Variants in NBEA observed in about 807,000 individuals in gnomAD.
NBEA encodes lysosomal-trafficking regulator 2.
NBEA carries 44 observed loss-of-function variants against 343.4 expected under a neutral mutation model. The ratio of observed to expected loss-of-function variants is 0.13; its 90% confidence interval spans 0.10 to 0.16. The LOEUF is 0.16. Among genes scored for constraint, NBEA ranks in the 10% least tolerant of loss-of-function variants. The pLI is 1.00. For synonymous variants in NBEA, 1,175 were observed against 1,238.7 expected (o/e 0.95, Z 1.08); for missense variants, 2,555 against 3,631.3 (o/e 0.70, Z 7.62).
intron 32 of NBEA, among the ~76,000 whole-genome samples, chr13:35,209,329 A>G (rs975964610): frequency 2.0e-5 from 3 of 152,180 alleles, no homozygotes; most frequent in African/African-American, 7.2e-5. Flanking sequence ...ACGATATGCA[A>G]GCGCCTCAAC....
At chr13:35,181,281 C>A (rs1447281764) in intron 28 of NBEA, among the ~76,000 whole-genome samples, 3 of 151,790 alleles carry the variant, frequency 2.0e-5, no homozygotes, top group Non-Finnish European at 1.5e-5. Context: ...GTTTTCATTC[C>A]CACCAGCAGT....
intron 48 of NBEA, 79 bp from the exon 49 acceptor site, chr13:35,628,002 C>T: frequency 9.2e-7 from 1 of 1,088,194 alleles, no homozygotes; most frequent in Non-Finnish European, 1.3e-6. Context: ...ATATATATTT[C>T]AAAGTAAAAA....
At chr13:35,071,287 A>T (rs2063859825) in intron 10 of NBEA, among the ~76,000 whole-genome samples, 1 of 152,042 alleles carries the variant, frequency 6.6e-6, no homozygotes, top group Admixed American at 6.6e-5. Context: ...GTATTATTTT[A>T]TAATGCTTTT....
At chr13:35,459,153 A>G (rs2152951290) in intron 40 of NBEA, among the ~76,000 whole-genome samples, 1 of 152,230 alleles carries the variant, frequency 6.6e-6, no homozygotes, top group East Asian at 1.9e-4. Flanking sequence ...CATCTCCTTC[A>G]TGACCCACTT....
chr13:35,138,286 C>T (rs1307229633), intron 17 of NBEA, among the ~76,000 whole-genome samples: 2 of 151,924 alleles, frequency 1.3e-5, no homozygotes, highest in Non-Finnish European at 2.9e-5. Flanking sequence ...AGCAAAGTCT[C>T]ATAAAAATTA....
At chr13:35,421,958 G>A (rs1031655619) in intron 38 of NBEA, among the ~76,000 whole-genome samples, 3 of 151,980 alleles carry the variant, frequency 2.0e-5, no homozygotes, top group African/African-American at 7.2e-5. Context: ...TCAGTTTTCA[G>A]AAATTTAATT....
chr13:35,111,759 G>A (rs1445683712), intron 13 of NBEA, among the ~76,000 whole-genome samples: 1 of 151,810 alleles, frequency 6.6e-6, no homozygotes, highest in African/African-American at 2.4e-5. Context: ...TGAGAAAGGG[G>A]CTAATGACAA....
At chr13:34,993,461 C>T (rs1471207873) in intron 1 of NBEA, among the ~76,000 whole-genome samples, 2 of 152,298 alleles carry the variant, frequency 1.3e-5, no homozygotes, top group South Asian at 2.1e-4. Context: ...ATAGTAGATG[C>T]TCAATAAATG....
intron 36 of NBEA, among the ~76,000 whole-genome samples, chr13:35,325,963 T>G (rs755285178): frequency 6.6e-6 from 1 of 152,088 alleles, no homozygotes; most frequent in Non-Finnish European, 1.5e-5. Flanking sequence ...GTCAGATGCC[T>G]GTAGGTGTAC....
chr13:35,533,024 A>C (rs1266311411), intron 41 of NBEA, among the ~76,000 whole-genome samples: 1 of 152,122 alleles, frequency 6.6e-6, no homozygotes, highest in African/African-American at 2.4e-5. Flanking sequence ...AAATAAAATC[A>C]CCAAGTCAAA....
rs56240021 is a variant in NBEA at position 35,476,296 on chromosome 13, CCTGCTGCTGCTGCTGCTGCTG to C, written c.6585+3799_6585+3819del. The C allele has an allele frequency of 9.3e-3, 8,774 of 941,822 alleles. 70 individuals are homozygous for C. The highest frequency in any genetic ancestry group is 0.019 in the Middle Eastern group (67 of 3,470). The allele number at this position is 941,822 out of a possible 1,614,324, so 58.3% of individuals were successfully genotyped here. ...TCGGAAGTGCTGCAGCGTTGGTTTC[CCTGCTGCTGCTGCTGCTGCTG>C]CTGCTGCTGCTGCTGCTGCTGCTGC... is the stretch of plus-strand genomic sequence containing the variant. On this transcript the variant is annotated intron_variant, in intron 41 of 58. Transcript: ENST00000379939.
At chr13:35,049,849 T>C (rs2063002746) in intron 5 of NBEA, among the ~76,000 whole-genome samples, 1 of 149,992 alleles carries the variant, frequency 6.7e-6, no homozygotes, top group African/African-American at 2.4e-5. Flanking sequence ...TGACCAAGTT[T>C]TTTTTTCTTT....
rs1167371102 is a variant in NBEA, at chr13:35,486,968, C to A, written c.6585+14432C>A. On this transcript the variant is annotated intron_variant, in intron 41 of 58. Coordinates refer to ENST00000379939, the MANE Select transcript of NBEA (RefSeq NM_001385012.1). ...CCTTTATAAATGTGATGAGGAGAAGCAATTATTTCAATAATTACTTGAGTG... is the reference window on the plus strand; with the variant it reads ...CCTTTATAAATGTGATGAGGAGAAGAAATTATTTCAATAATTACTTGAGTG... 2.6e-5 allele frequency among the ~76,000 whole-genome samples: 4 copies of A among 151,804 alleles called. No homozygotes were observed. The East Asian group carries it at 7.7e-4, about 29-fold the overall frequency.
intron 48 of NBEA, among the ~76,000 whole-genome samples, chr13:35,621,917 T>C (rs2083011930): frequency 6.6e-6 from 1 of 152,232 alleles, no homozygotes; most frequent in South Asian, 2.1e-4. Flanking sequence ...AACAATGAAG[T>C]GCTAATTGGC....
At chr13:35,129,814 T>C (rs1468505889) in intron 17 of NBEA, among the ~76,000 whole-genome samples, 3 of 151,864 alleles carry the variant, frequency 2.0e-5, no homozygotes, top group African/African-American at 7.3e-5. Flanking sequence ...TACCACAAAG[T>C]GAAACTCCAG....
At chr13:35,084,267 C>G (rs763354899) in intron 10 of NBEA, among the ~76,000 whole-genome samples, 22 of 152,104 alleles carry the variant, frequency 1.4e-4, no homozygotes, top group Non-Finnish European at 3.2e-4. Context: ...GATCAGCAGA[C>G]TATACATTCT....
At chr13:35,318,449 G>A (rs1403443200) in intron 36 of NBEA, among the ~76,000 whole-genome samples, 1 of 152,150 alleles carries the variant, frequency 6.6e-6, no homozygotes, top group Non-Finnish European at 1.5e-5. Context: ...CAGAGATGAA[G>A]CCAACTTGAT....
At chr13:35,375,141 G>A (rs535093979) in intron 38 of NBEA, among the ~76,000 whole-genome samples, 4 of 151,958 alleles carry the variant, frequency 2.6e-5, no homozygotes, top group Non-Finnish European at 4.4e-5. Flanking sequence ...AGTCACTTTC[G>A]CACTGCTTTC....
chr13:35,262,529 A>G (rs2033299738), intron 34 of NBEA, among the ~76,000 whole-genome samples: 1 of 152,236 alleles, frequency 6.6e-6, no homozygotes, highest in African/African-American at 2.4e-5. Context: ...GATGAACTCA[A>G]AGACATTATT....
Sources: gnomAD v4.1 joint callset for allele counts (sites outside exome capture counted in the v4.1 genomes callset) on GRCh38, gnomAD v4.1.1 for gene constraint, MANE v1.5 for transcripts, NCBI Gene and HGNC (gene_info 2026-07-23, HGNC 2026-07-21) for gene names.